The following EMCN variants were observed in gnomAD, a reference collection of about 807,000 sequenced individuals.
EMCN encodes the protein MUC-14.
A neutral mutation model predicts 38.4 loss-of-function variants in EMCN; 37 were observed. The ratio of observed to expected loss-of-function variants is 0.96; its 90% CI spans 0.74 to 1.27. EMCN has a LOEUF of 1.27. Ranked by LOEUF, EMCN falls within the 50% of genes most tolerant of loss-of-function variation. The probability of loss-of-function intolerance (pLI) is 0.00; values close to 1 mark genes in which losing one functional copy is unlikely to be tolerated. For missense variants in EMCN, 318 were observed against 302.8 expected (o/e 1.05, Z -0.37); for synonymous variants, 95 against 100.8 (o/e 0.94, Z 0.35).
chr4:100,438,710 C>T (rs1178065175), intron 5 of EMCN, among the ~76,000 whole-genome samples: 2 of 151,796 alleles, frequency 1.3e-5, no homozygotes, highest in Admixed American at 1.3e-4. Flanking sequence ...ATAATTGTAG[C>T]TGTGGGTTTT....
At position 100,431,932 on chromosome 4, in the gene EMCN, G is replaced by C. The variant is rs193044829; in HGVS notation, c.416-8528C>G. On this transcript the variant is annotated intron_variant, in intron 5 of 11. Transcript: ENST00000296420. ...TAATGGCTTATTCCTTTCTCAATTC[G>C]GTAAGGCACAATGGTCCATTTTGCT... is the stretch of plus-strand genomic sequence containing the variant. 3.9e-5 allele frequency among the ~76,000 whole-genome samples: 6 copies of C among 151,994 alleles called. No homozygotes were observed. The East Asian group carries it at 1.2e-3, about 29-fold the overall frequency.
At chr4:100,417,007 G>T in intron 9 of EMCN, 110 bp downstream of exon 9, 1 of 1,091,894 alleles carries the variant, frequency 9.2e-7, no homozygotes, top group Non-Finnish European at 1.4e-6. Context: ...AAGCCAATAT[G>T]TAGATTTTCT....
intron 4 of EMCN, among the ~76,000 whole-genome samples, chr4:100,462,648 C>G (rs1404046716): frequency 2.6e-5 from 4 of 151,976 alleles, no homozygotes; most frequent in Non-Finnish European, 5.9e-5. Context: ...CCTGAAGGTG[C>G]CTTTTAGATA....
chr4:100,465,582 C>G, intron 3 of EMCN, 43 bp from the exon 4 acceptor site: 1 of 1,026,412 alleles, frequency 9.7e-7, no homozygotes, highest in Non-Finnish European at 1.4e-6. Flanking sequence ...AACAAATCAC[C>G]AGATCATCTT....
intron 1 of EMCN, among the ~76,000 whole-genome samples, chr4:100,486,704 C>T (rs1245630729): frequency 6.6e-6 from 1 of 152,204 alleles, no homozygotes; most frequent in Non-Finnish European, 1.5e-5. Context: ...ACAGGTGTCT[C>T]AGCCACCTGG....
intron 5 of EMCN, among the ~76,000 whole-genome samples, chr4:100,436,636 A>G (rs1171128293): frequency 1.3e-5 from 2 of 152,210 alleles, no homozygotes; most frequent in African/African-American, 4.8e-5. Context: ...GATAGACTGG[A>G]TAAACAAAAT....
At chr4:100,480,177 C>T (rs1196550412) in intron 1 of EMCN, 138 bp from the exon 2 acceptor site, 9 of 684,344 alleles carry the variant, frequency 1.3e-5, no homozygotes, top group African/African-American at 1.9e-5. Flanking sequence ...TTATCCTTAG[C>T]TCAGCATTTA....
chr4:100,484,233 A>C (rs1414832610), intron 1 of EMCN, among the ~76,000 whole-genome samples: 1 of 152,194 alleles, frequency 6.6e-6, no homozygotes, highest in Non-Finnish European at 1.5e-5. Flanking sequence ...GGAAATTCCC[A>C]AATGTGCACA....
chr4:100,447,430 G>T, intron 5 of EMCN, 103 bp downstream of exon 5: 2 of 781,996 alleles, frequency 2.6e-6, no homozygotes, highest in Non-Finnish European at 4.3e-6. Context: ...GTTTTCCCTT[G>T]TGCTATTTCT....
At chr4:100,497,810 T>G (rs1729249843) in intron 1 of EMCN, among the ~76,000 whole-genome samples, 1 of 151,932 alleles carries the variant, frequency 6.6e-6, no homozygotes, top group Non-Finnish European at 1.5e-5. Flanking sequence ...AGAAAAAATA[T>G]AAAGTAAAAA....
chr4:100,466,214 G>A (rs1253445540), intron 3 of EMCN, among the ~76,000 whole-genome samples: 2 of 152,066 alleles, frequency 1.3e-5, no homozygotes, highest in South Asian at 2.1e-4. Context: ...ATGCCCTTCA[G>A]TTTTTTCAGT....
chr4:100,473,378 T>TTTG (rs1553930782), intron 3 of EMCN, among the ~76,000 whole-genome samples: 17 of 122,868 alleles, frequency 1.4e-4, no homozygotes, highest in African/African-American at 4.4e-4. Context: ...TTTTTGTTTT[T>TTTG]TTTTTTTGTT....
At chr4:100,450,668 G>C (rs1727813156) in intron 4 of EMCN, among the ~76,000 whole-genome samples, 1 of 151,848 alleles carries the variant, frequency 6.6e-6, no homozygotes, top group Non-Finnish European at 1.5e-5. Context: ...CATGACGTCT[G>C]ACTAAGACTT....
chr4:100,455,129 G>A (rs1727973834), intron 4 of EMCN, among the ~76,000 whole-genome samples: 1 of 151,020 alleles, frequency 6.6e-6, no homozygotes, highest in South Asian at 2.1e-4. Flanking sequence ...CTTGTTTATT[G>A]CCTTCTTTTG....
At chr4:100,503,502 G>A (rs924098911) in intron 1 of EMCN, among the ~76,000 whole-genome samples, 1 of 151,960 alleles carries the variant, frequency 6.6e-6, no homozygotes, top group Non-Finnish European at 1.5e-5. Flanking sequence ...CATTACACAT[G>A]GGTGTTCTTT....
intron 10 of EMCN, among the ~76,000 whole-genome samples, chr4:100,413,477 G>T (rs527608953): frequency 3.3e-5 from 5 of 152,022 alleles, no homozygotes; most frequent in African/African-American, 1.2e-4. Flanking sequence ...AGTGAGCATA[G>T]CATTATAAAG....
chr4:100,510,646 A>G (rs1729604301), intron 1 of EMCN, among the ~76,000 whole-genome samples: 1 of 152,136 alleles, frequency 6.6e-6, no homozygotes, highest in South Asian at 2.1e-4. Flanking sequence ...AATTCCTTGT[A>G]GAGATATTGC....
In EMCN at chr4:100,492,118, A is replaced by G. The variant is rs79070988; in HGVS notation, c.65-12079T>C. On this transcript the variant is annotated intron_variant, in intron 1 of 11. Transcript: ENST00000296420. Reference sequence around the variant, plus strand: ...TTCTCTTGAAGAAGTTCAATGAACTATAAGAAAATAGGAATAAAAAATTAA... The same window carrying G: ...TTCTCTTGAAGAAGTTCAATGAACTGTAAGAAAATAGGAATAAAAAATTAA... 9.9e-3 allele frequency among the ~76,000 whole-genome samples: 1,503 copies of G among 152,328 alleles called. 26 individuals carry two copies. The highest frequency in any genetic ancestry group is 0.034 in the African/African-American group (1,414 of 41,580).
intron 5 of EMCN, among the ~76,000 whole-genome samples, chr4:100,439,365 T>C (rs927630416): frequency 6.6e-6 from 1 of 151,790 alleles, no homozygotes; most frequent in African/African-American, 2.4e-5. Flanking sequence ...TTTTGTTTTT[T>C]TGTTTTGTTT....
Sources: allele counts gnomAD v4.1 joint callset (sites outside exome capture counted in the v4.1 genomes callset), GRCh38; gene constraint gnomAD v4.1.1; transcripts MANE v1.5; gene names NCBI Gene and HGNC (gene_info 2026-07-23, HGNC 2026-07-21).